ZNF385D: variants seen among roughly 807,000 people sequenced by gnomAD.
The protein encoded by ZNF385D is zinc finger protein 659.
Under a neutral mutation model 35.8 loss-of-function variants are expected in ZNF385D, and 15 were observed. The observed-to-expected ratio is 0.42, with a 90% CI of 0.28 to 0.64. The LOEUF (loss-of-function observed/expected upper bound fraction) is 0.64, where lower values mean the gene tolerates loss of function less well. ZNF385D is among the 30% of genes least tolerant of loss of function. The pLI is 0.23. For missense variants in ZNF385D, 474 were observed against 494.6 expected (o/e 0.96, Z 0.39); for synonymous variants, 212 against 186.8 (o/e 1.13, Z -1.10).
At chr3:22,098,628 G>C (rs1701761162) in intron 3 of ZNF385D, among the ~76,000 whole-genome samples, 1 of 152,016 alleles carries the variant, frequency 6.6e-6, no homozygotes, top group African/African-American at 2.4e-5. Flanking sequence ...ATCTGGGAAG[G>C]AGAGGCTTGC....
At chr3:21,643,172 G>T (rs2065655740) in intron 2 of ZNF385D, among the ~76,000 whole-genome samples, 1 of 152,074 alleles carries the variant, frequency 6.6e-6, no homozygotes, top group South Asian at 2.1e-4. Flanking sequence ...GGGCAATTGA[G>T]CCACAGTGTA....
At chr3:22,271,901 G>A (rs752245229) in intron 2 of ZNF385D, among the ~76,000 whole-genome samples, 8 of 151,846 alleles carry the variant, frequency 5.3e-5, no homozygotes, top group Admixed American at 1.3e-4. Context: ...AAAACAATAC[G>A]CATTCAGTAG....
intron 2 of ZNF385D, among the ~76,000 whole-genome samples, chr3:22,295,489 A>G (rs188590036): frequency 7.6e-4 from 115 of 152,258 alleles, no homozygotes; most frequent in African/African-American, 2.7e-3. Flanking sequence ...TTTGCAAAGC[A>G]AAACTGGGCG....
intron 1 of ZNF385D, among the ~76,000 whole-genome samples, chr3:21,708,934 A>G (rs923272551): frequency 4.6e-5 from 7 of 152,108 alleles, no homozygotes; most frequent in Non-Finnish European, 1.0e-4. Flanking sequence ...CTAAAACTTA[A>G]CTATCATAAG....
chr3:22,255,881 G>A (rs1700289743), intron 2 of ZNF385D, among the ~76,000 whole-genome samples: 1 of 151,404 alleles, frequency 6.6e-6, no homozygotes, highest in Admixed American at 6.6e-5. Flanking sequence ...AGGATACAAA[G>A]TATTGATGAT....
intron 5 of ZNF385D, among the ~76,000 whole-genome samples, chr3:21,435,738 A>G: frequency 6.6e-6 from 1 of 152,238 alleles, no homozygotes. Flanking sequence ...GCGTTCAAGA[A>G]GAAATGTATT....
chr3:21,600,465 C>T (rs3860582), intron 2 of ZNF385D, among the ~76,000 whole-genome samples: 58,518 of 151,930 alleles, frequency 0.39, 12,219 homozygotes, highest in African/African-American at 0.55. Flanking sequence ...TCTGAAAACC[C>T]CAGAACAAGA....
At chr3:21,697,661 A>G (rs1447828928) in intron 1 of ZNF385D, among the ~76,000 whole-genome samples, 1 of 152,196 alleles carries the variant, frequency 6.6e-6, no homozygotes, top group Non-Finnish European at 1.5e-5. Context: ...TCAACAGAGT[A>G]AGCAGACAAT....
chr3:21,968,099 G>A (rs1298931272), intron 3 of ZNF385D, among the ~76,000 whole-genome samples: 3 of 152,120 alleles, frequency 2.0e-5, no homozygotes, highest in Non-Finnish European at 4.4e-5. Context: ...CCATGTGCTT[G>A]AGGGAGAGAG....
rs1432774328 is a variant in ZNF385D, at chr3:21,751,121, G to C, written c.-205C>G. 40 of 1,464,922 alleles carry C rather than the reference G, an allele frequency of 2.7e-5. No homozygotes were observed. The highest frequency in any genetic ancestry group is 3.5e-5 in the Non-Finnish European group (39 of 1,109,156). 90.7% of individuals were successfully genotyped at this position (1,464,922 alleles called of 1,614,324 possible). A position where few individuals can be genotyped will look rare whatever the true frequency, so the allele number is the denominator to read the frequency against. ...GGCTAAGATCCCCGGCGGCTGGAGA[G>C]TGCGCTCGGGCTGCCTGCTGCACTG... is the stretch of plus-strand genomic sequence containing the variant. On this transcript the variant is annotated 5_prime_UTR_variant, in exon 1 of 8. Coordinates refer to ENST00000281523, the MANE Select transcript of ZNF385D (RefSeq NM_024697.3).
At chr3:21,880,611 A>G (rs755479433) in intron 3 of ZNF385D, among the ~76,000 whole-genome samples, 19 of 152,148 alleles carry the variant, frequency 1.2e-4, no homozygotes, top group Middle Eastern at 3.4e-3. Flanking sequence ...AAATTAATTT[A>G]ATTACTAACC....
intron 3 of ZNF385D, among the ~76,000 whole-genome samples, chr3:22,089,053 T>C (rs1345338510): frequency 6.6e-6 from 1 of 152,014 alleles, no homozygotes. Flanking sequence ...ATAAGAAAAA[T>C]CAAATAAGCA....
intron 3 of ZNF385D, among the ~76,000 whole-genome samples, chr3:21,855,575 G>C (rs773393349): frequency 2.0e-5 from 3 of 151,464 alleles, no homozygotes; most frequent in Non-Finnish European, 4.4e-5. Context: ...ACAGTTTTTA[G>C]TTTTCCTCAC....
In ZNF385D at chr3:22,003,877, A is replaced by G. The variant is rs532753220; in HGVS notation, c.325+164940T>C. On this transcript the variant is annotated intron_variant, in intron 3 of 5. Transcript: ENST00000494108. Reference sequence around the variant, plus strand: ...GCAAGACTCCATCCCCCCACCAAAAAAAAAAGAAAGAAAAAAAAATCCTAA... The same window carrying G: ...GCAAGACTCCATCCCCCCACCAAAAGAAAAAGAAAGAAAAAAAAATCCTAA... Among the ~76,000 whole-genome samples, 111 of 152,036 alleles carry G rather than the reference A, an allele frequency of 7.3e-4. 1 individual carries two copies. In the East Asian group the frequency reaches 0.021, roughly 29 times the overall value.
chr3:21,896,585 G>A (rs759874458), intron 3 of ZNF385D, among the ~76,000 whole-genome samples: 4 of 152,072 alleles, frequency 2.6e-5, no homozygotes, highest in Non-Finnish European at 5.9e-5. Context: ...CGAACCAACA[G>A]CTATAAAAGA....
intron 2 of ZNF385D, among the ~76,000 whole-genome samples, chr3:22,242,173 T>C (rs1363046635): frequency 2.7e-5 from 4 of 150,774 alleles, no homozygotes; most frequent in Non-Finnish European, 5.9e-5. Context: ...CCTGTATACA[T>C]ATGTAACTAA....
intron 2 of ZNF385D, among the ~76,000 whole-genome samples, chr3:22,340,983 T>C (rs908692764): frequency 1.3e-5 from 2 of 152,156 alleles, no homozygotes; most frequent in Non-Finnish European, 2.9e-5. Context: ...CATGGTCTAC[T>C]TACCACATAG....
intron 3 of ZNF385D, chr3:21,511,500 G>A (rs778017351): frequency 2.8e-6 from 1 of 358,430 alleles, no homozygotes; most frequent in Non-Finnish European, 5.5e-6. Context: ...ACAAAACAGG[G>A]GAAGTAAGCA....
At chr3:22,283,104 T>C (rs1164135079) in intron 2 of ZNF385D, among the ~76,000 whole-genome samples, 1 of 152,036 alleles carries the variant, frequency 6.6e-6, no homozygotes, top group African/African-American at 2.4e-5. Flanking sequence ...CTTATATAAA[T>C]GATAAAGGAC....
Sources: gnomAD v4.1 joint callset for allele counts (sites outside exome capture counted in the v4.1 genomes callset) on GRCh38, gnomAD v4.1.1 for gene constraint, MANE v1.5 for transcripts, NCBI Gene and HGNC (gene_info 2026-07-23, HGNC 2026-07-21) for gene names.